ZNF407: variants seen among roughly 807,000 people sequenced by gnomAD.
ZNF407 encodes the protein zinc finger protein 407.
ZNF407 carries 17 observed loss-of-function variants against 131.2 expected under a neutral mutation model. The ratio of observed to expected loss-of-function variants is 0.13; its 90% CI spans 0.09 to 0.19. The LOEUF is 0.19. Among genes scored for constraint, ZNF407 ranks in the 10% least tolerant of loss-of-function variants. The pLI, the probability that ZNF407 is intolerant of heterozygous loss-of-function variation, is 1.00. For synonymous variants in ZNF407, 1,156 were observed against 1,062.0 expected (o/e 1.09, Z -1.72); for missense variants, 2,681 against 2,830.6 (o/e 0.95, Z 1.20).
At chr18:74,742,882 A>G (rs1968582769) in intron 3 of ZNF407, among the ~76,000 whole-genome samples, 1 of 152,122 alleles carries the variant, frequency 6.6e-6, no homozygotes, top group African/African-American at 2.4e-5. Flanking sequence ...TATTCAGTTA[A>G]TGGCTGAACT....
chr18:74,618,732 A>ATTC (rs1983410944), intron 1 of ZNF407, among the ~76,000 whole-genome samples: 1 of 152,194 alleles, frequency 6.6e-6, no homozygotes, highest in Non-Finnish European at 1.5e-5. Context: ...GAGGAGGAAA[A>ATTC]GATTACCTAC....
Position 74,635,620 on chromosome 18 carries a change from A to C in ZNF407, c.4601A>C (p.Asn1534Thr). The change falls in exon 2 of 9, where the codon AAC (asparagine) becomes ACC (threonine). Residue 1534 changes from asparagine (N) to threonine (T), a missense_variant. Coordinates refer to ENST00000299687, the MANE Select transcript of ZNF407 (RefSeq NM_017757.3). The surrounding 1 kb of genome is among the most constrained non-coding windows in gnomAD (Gnocchi z 4.7). ...CAAATCAACCGCGAGAGGGAGGAAA[A>C]CCAGGGAAACGTCTGCAAGTATTGT... The part of the protein sequence containing the change: ...TEQINREREE[N>T]QGNVCKYCGK... The C allele has an allele frequency of 6.2e-7, 1 of 1,613,566 alleles. No individual in the cohort carries two copies. The highest frequency in any genetic ancestry group is 2.2e-5 in the East Asian group (1 of 44,880).
At chr18:74,752,810 A>T (rs562553784) in intron 3 of ZNF407, among the ~76,000 whole-genome samples, 2 of 152,308 alleles carry the variant, frequency 1.3e-5, no homozygotes, top group African/African-American at 4.8e-5. Context: ...AGGTAGCGTG[A>T]TGCCTCCAGC....
At chr18:74,726,984 T>C (rs1207573647) in intron 3 of ZNF407, among the ~76,000 whole-genome samples, 1 of 152,182 alleles carries the variant, frequency 6.6e-6, no homozygotes, top group Admixed American at 6.5e-5. Context: ...TTGCATTTTT[T>C]CCATGTCTTA....
chr18:74,690,548 CAGAA>C (rs1248583396), intron 3 of ZNF407, among the ~76,000 whole-genome samples: 3 of 151,478 alleles, frequency 2.0e-5, no homozygotes, highest in Non-Finnish European at 4.4e-5. Flanking sequence ...TTTTGAAAAT[CAGAA>C]AGAATGTTAG....
chr18:74,625,039 C>T (rs1286653231), intron 1 of ZNF407, among the ~76,000 whole-genome samples: 3 of 152,086 alleles, frequency 2.0e-5, no homozygotes, highest in Admixed American at 1.3e-4. Context: ...GAATCTTACC[C>T]CAATGCATGA....
At chr18:74,936,809 A>G (rs1460965070) in intron 8 of ZNF407, among the ~76,000 whole-genome samples, 2 of 152,352 alleles carry the variant, frequency 1.3e-5, no homozygotes, top group East Asian at 3.9e-4. Flanking sequence ...ATATTTCCAA[A>G]TAATTAATGA....
chr18:75,024,913 G>T (rs1326735275), intron 8 of ZNF407, among the ~76,000 whole-genome samples: 1 of 152,130 alleles, frequency 6.6e-6, no homozygotes, highest in African/African-American at 2.4e-5. Flanking sequence ...ACACCAACCA[G>T]ACTAGGTTGT....
At chr18:74,888,051 A>G (rs1012704490) in intron 6 of ZNF407, among the ~76,000 whole-genome samples, 3 of 152,214 alleles carry the variant, frequency 2.0e-5, no homozygotes, top group Non-Finnish European at 4.4e-5. Context: ...CCAAATTGAT[A>G]AAGAGTAATT....
At chr18:74,676,537 C>T (rs563461481) in intron 3 of ZNF407, among the ~76,000 whole-genome samples, 29 of 151,476 alleles carry the variant, frequency 1.9e-4, no homozygotes, top group Non-Finnish European at 3.5e-4. Context: ...CCCGGGTTCA[C>T]GCCATTCTCC....
chr18:75,011,018 G>A (rs1352062566), intron 8 of ZNF407, among the ~76,000 whole-genome samples: 1 of 152,158 alleles, frequency 6.6e-6, no homozygotes, highest in Non-Finnish European at 1.5e-5. Flanking sequence ...CAGGCAGTGA[G>A]TAGGAAGGGT....
At chr18:74,687,752 T>A (rs1967129290) in intron 3 of ZNF407, among the ~76,000 whole-genome samples, 1 of 152,192 alleles carries the variant, frequency 6.6e-6, no homozygotes, top group South Asian at 2.1e-4. Flanking sequence ...AAGTCAATAC[T>A]CATCTTAGAA....
intron 8 of ZNF407, among the ~76,000 whole-genome samples, chr18:75,027,309 C>T (rs1056126673): frequency 2.6e-5 from 4 of 152,200 alleles, no homozygotes; most frequent in African/African-American, 9.7e-5. Flanking sequence ...TGTGGGTTTT[C>T]ATCCCTGGGA....
intron 3 of ZNF407, among the ~76,000 whole-genome samples, chr18:74,678,443 C>A (rs1407023614): frequency 2.0e-5 from 3 of 152,192 alleles, no homozygotes; most frequent in Non-Finnish European, 4.4e-5. Flanking sequence ...GCCTGCAACC[C>A]CATTTTCTGC....
Position 75,064,249 on chromosome 18 carries a change from C to A in ZNF407, c.6528C>A (p.Pro2176=). 1.2e-6 allele frequency: 2 copies of A among 1,606,794 alleles called. No individual in the cohort carries two copies. Among genetic ancestry groups the A allele is most frequent in the Admixed American group, 1.7e-5 (1 of 59,704 alleles). The change falls in exon 9 of 9, where the codon CCC becomes CCA. Residue 2176 remains proline (P), a synonymous_variant. Coordinates refer to ENST00000299687, the MANE Select transcript of ZNF407 (RefSeq NM_017757.3). ...CGCACTACATCCTGACAGAGCTGCC[C>A]CCAGGGGTGCAGGACGAGCCGGGCC... is the stretch of plus-strand genomic sequence containing the variant. The part of the protein sequence containing the change: ...GTTHYILTEL[P]PGVQDEPGLY...
intron 8 of ZNF407, among the ~76,000 whole-genome samples, chr18:74,952,150 A>C (rs1413001029): frequency 1.3e-5 from 2 of 152,144 alleles, no homozygotes; most frequent in East Asian, 3.9e-4. Context: ...AGGAGAAGAA[A>C]ATACTTGATT....
intron 3 of ZNF407, among the ~76,000 whole-genome samples, chr18:74,732,438 A>G (rs1293109608): frequency 6.6e-6 from 1 of 152,164 alleles, no homozygotes; most frequent in African/African-American, 2.4e-5. Context: ...ATATTTAAGA[A>G]AAATAGGTGT....
chr18:74,707,484 C>T (rs1967653971), intron 3 of ZNF407, among the ~76,000 whole-genome samples: 1 of 152,060 alleles, frequency 6.6e-6, no homozygotes, highest in Non-Finnish European at 1.5e-5. Flanking sequence ...TTGAACATGG[C>T]AAATCTGAAA....
Position 74,743,270 on chromosome 18 carries a change from A to G in ZNF407, c.4803-38158A>G, listed in dbSNP as rs376768155. The stretch of plus-strand genomic sequence containing the variant: ...CAAGATACTCAAAATATATATTTTA[A>G]CAAGGCAATAGCACCAATTTTCTCT... On this transcript the variant is annotated intron_variant, in intron 3 of 8. Coordinates refer to ENST00000299687, the MANE Select transcript of ZNF407 (RefSeq NM_017757.3). 1.3e-3 allele frequency among the ~76,000 whole-genome samples: 193 copies of G among 152,320 alleles called. 6 individuals are homozygous for G. In the South Asian group the frequency reaches 0.04, roughly 31 times the overall value.
Sources: gnomAD v4.1 joint callset for allele counts (sites outside exome capture counted in the v4.1 genomes callset) on GRCh38, gnomAD v4.1.1 for gene constraint, Gnocchi (gnomAD v3.1) non-coding constraint, MANE v1.5 for transcripts, NCBI Gene and HGNC (gene_info 2026-07-23, HGNC 2026-07-21) for gene names.